The following PCDH7 variants were observed in gnomAD, a reference collection of about 807,000 sequenced individuals.
PCDH7 encodes protocadherin 7, also known as protocadherin-7.
Under a neutral mutation model 58.9 loss-of-function variants are expected in PCDH7, and 17 were observed. The observed-to-expected ratio is 0.29, with a 90% CI of 0.20 to 0.43. The LOEUF (loss-of-function observed/expected upper bound fraction) is 0.43. Among genes scored for constraint, PCDH7 ranks in the 20% least tolerant of loss-of-function variants. The pLI is 1.00. For synonymous variants in PCDH7, 664 were observed against 616.4 expected (o/e 1.08, Z -1.14); for missense variants, 1,274 against 1,441.0 (o/e 0.88, Z 1.88).
At chr4:30,813,598 G>T (rs1577906053) in intron 1 of PCDH7, among the ~76,000 whole-genome samples, 2 of 152,130 alleles carry the variant, frequency 1.3e-5, no homozygotes, top group African/African-American at 4.8e-5. Context: ...TGTCAGTGAA[G>T]GTTGCTTCAA....
intron 1 of PCDH7, among the ~76,000 whole-genome samples, chr4:30,868,565 CT>C (rs1179763755): frequency 1.3e-5 from 2 of 151,258 alleles, no homozygotes; most frequent in African/African-American, 2.4e-5. Flanking sequence ...TAATTTTTTT[CT>C]TTTTTTTCTA....
intron 3 of PCDH7, among the ~76,000 whole-genome samples, chr4:31,015,522 C>G (rs12512723): frequency 0.1 from 15,773 of 152,136 alleles, 2,188 homozygotes; most frequent in African/African-American, 0.32. Context: ...ATTTTACAAG[C>G]GTGACACGTC....
intron 3 of PCDH7, among the ~76,000 whole-genome samples, chr4:30,985,521 C>A (rs1283118577): frequency 6.6e-6 from 1 of 152,078 alleles, no homozygotes; most frequent in African/African-American, 2.4e-5. Flanking sequence ...ATGCAGTCAA[C>A]TTACTAATTT....
intron 3 of PCDH7, among the ~76,000 whole-genome samples, chr4:30,974,953 G>C (rs903530919): frequency 6.6e-6 from 1 of 152,120 alleles, no homozygotes; most frequent in Non-Finnish European, 1.5e-5. Flanking sequence ...AGTTAGGCAC[G>C]TAGGGTTACA....
chr4:30,979,138 A>G (rs1345587740), intron 3 of PCDH7, among the ~76,000 whole-genome samples: 2 of 152,098 alleles, frequency 1.3e-5, no homozygotes, highest in East Asian at 3.9e-4. Flanking sequence ...CATCCTGGCT[A>G]ACACAGTGAA....
At chr4:30,834,011 A>G (rs1319350822) in intron 1 of PCDH7, among the ~76,000 whole-genome samples, 1 of 152,230 alleles carries the variant, frequency 6.6e-6, no homozygotes, top group Non-Finnish European at 1.5e-5. Context: ...TTAGAAATTT[A>G]GATCTACCCA....
In PCDH7 at chr4:30,760,813, T is replaced by C. The variant is rs1719925722; in HGVS notation, c.70+36217T>C. Reference sequence around the variant, plus strand: ...TCCTTGAGTTTTGACTTCTCTCCCCTCCTTTGACAGCTCAGCTGTGTGCCT... The same window carrying C: ...TCCTTGAGTTTTGACTTCTCTCCCCCCCTTTGACAGCTCAGCTGTGTGCCT... On this transcript the variant is annotated intron_variant, in intron 1 of 3. Coordinates refer to the PCDH7 transcript ENST00000509759. 3.3e-5 allele frequency among the ~76,000 whole-genome samples: 5 copies of C among 152,132 alleles called. No individual in the cohort carries two copies. The South Asian group carries it at 1.0e-3, about 31-fold the overall frequency.
Position 30,824,151 on chromosome 4 carries a change from CTTTCTTTCTTTT to C in PCDH7, c.71-96000_71-95989del, listed in dbSNP as rs1237939764. 1.1e-3 allele frequency among the ~76,000 whole-genome samples: 96 copies of C among 90,426 alleles called. 2 individuals are homozygous for C. The East Asian group carries it at 0.022, about 21-fold the overall frequency. 59.3% of individuals were successfully genotyped at this position (90,426 alleles called of 152,430 possible). A position where few individuals can be genotyped will look rare whatever the true frequency, so the allele number is the denominator to read the frequency against. On this transcript the variant is annotated intron_variant, in intron 1 of 3. Coordinates refer to the PCDH7 transcript ENST00000509759. ...TCTTTCTTTCTTTCTTTCTTTCTTTCTTTCTTTCTTTTTGCTTCCCTCATATATGTGATTCTC... is the reference window on the plus strand; with the variant it reads ...TCTTTCTTTCTTTCTTTCTTTCTTTCTGCTTCCCTCATATATGTGATTCTC...
intron 3 of PCDH7, among the ~76,000 whole-genome samples, chr4:31,120,197 T>C (rs1006841345): frequency 6.6e-6 from 1 of 152,068 alleles, no homozygotes; most frequent in Non-Finnish European, 1.5e-5. Context: ...TACCTTTCTC[T>C]ATTTTATTTT....
intron 1 of PCDH7, among the ~76,000 whole-genome samples, chr4:30,915,116 A>G (rs1408179456): frequency 2.0e-5 from 3 of 152,036 alleles, no homozygotes; most frequent in Admixed American, 2.0e-4. Flanking sequence ...TACATCTCCA[A>G]ATGTTTATTT....
At chr4:30,980,030 A>C (rs1238461183) in intron 3 of PCDH7, among the ~76,000 whole-genome samples, 2 of 152,192 alleles carry the variant, frequency 1.3e-5, no homozygotes, top group Non-Finnish European at 2.9e-5. Context: ...ACTGTACCCT[A>C]GGTGCTTTCC....
chr4:30,798,446 A>G (rs1431378253), intron 1 of PCDH7, among the ~76,000 whole-genome samples: 3 of 152,194 alleles, frequency 2.0e-5, no homozygotes, highest in Admixed American at 2.0e-4. Context: ...GCATTTGGTC[A>G]TTTCTAAGCA....
At chr4:30,835,127 CAGTATG>C (rs1282294510) in intron 1 of PCDH7, among the ~76,000 whole-genome samples, 1 of 151,978 alleles carries the variant, frequency 6.6e-6, no homozygotes, top group Non-Finnish European at 1.5e-5. Flanking sequence ...ATATGCTAGG[CAGTATG>C]AGGGAAAATT....
chr4:30,736,692 C>G (rs1181145758), downstream of PCDH7, among the ~76,000 whole-genome samples: 1 of 151,854 alleles, frequency 6.6e-6, no homozygotes, highest in African/African-American at 2.4e-5. Flanking sequence ...CCCGCCATTG[C>G]TCCCGGCTAA....
chr4:31,043,224 A>C (rs1289283397), intron 3 of PCDH7, among the ~76,000 whole-genome samples: 3 of 152,084 alleles, frequency 2.0e-5, no homozygotes, highest in Non-Finnish European at 4.4e-5. Context: ...CTGGCATAAA[A>C]TAATGTGCTT....
intron 1 of PCDH7, among the ~76,000 whole-genome samples, chr4:30,763,951 A>G (rs1720369180): frequency 6.6e-6 from 1 of 152,156 alleles, no homozygotes; most frequent in Non-Finnish European, 1.5e-5. Context: ...TACCAAATGT[A>G]TGTAGGAAAT....
intron 3 of PCDH7, among the ~76,000 whole-genome samples, chr4:31,119,633 G>A (rs534383548): frequency 1.1e-4 from 17 of 152,184 alleles, no homozygotes; most frequent in Non-Finnish European, 2.5e-4. Context: ...GCTGGAGTTC[G>A]ACCTTTTGAC....
At chr4:30,738,373 C>T (rs570610280) in intron 1 of PCDH7, among the ~76,000 whole-genome samples, 6 of 151,570 alleles carry the variant, frequency 4.0e-5, no homozygotes, top group Non-Finnish European at 5.9e-5. Flanking sequence ...AAAAAACCAA[C>T]CTTATGGATC....
chr4:31,039,565 A>G (rs1247831979), intron 3 of PCDH7, among the ~76,000 whole-genome samples: 1 of 152,260 alleles, frequency 6.6e-6, no homozygotes, highest in South Asian at 2.1e-4. Context: ...TTGCCCAGCC[A>G]TAGTTTATAG....
Sources: gnomAD v4.1 joint callset for allele counts (sites outside exome capture counted in the v4.1 genomes callset) on GRCh38, gnomAD v4.1.1 for gene constraint, MANE v1.5 for transcripts, NCBI Gene and HGNC (gene_info 2026-07-23, HGNC 2026-07-21) for gene names.